Variants in MACF1 observed in about 807,000 individuals in gnomAD.
MACF1 encodes microtubule actin crosslinking factor 1.
A neutral mutation model predicts 854.8 loss-of-function variants in MACF1; 193 were observed. The ratio of observed to expected loss-of-function variants is 0.23; its 90% CI spans 0.20 to 0.25. MACF1 has a LOEUF of 0.25. Among genes scored for constraint, MACF1 ranks in the 10% least tolerant of loss-of-function variants. The probability of loss-of-function intolerance (pLI) is 1.00; values close to 1 mark genes in which losing one functional copy is unlikely to be tolerated. For synonymous variants in MACF1, 3,185 were observed against 3,226.7 expected, an observed-to-expected ratio of 0.99 and a Z score of 0.44; for missense variants, 7,722 against 8,929.1, an observed-to-expected ratio of 0.86 and a Z score of 5.45.
chr1:39,144,780 T>G (rs1319575485), intron 2 of MACF1, among the ~76,000 whole-genome samples: 1 of 152,160 alleles, frequency 6.6e-6, no homozygotes, highest in African/African-American at 2.4e-5. Flanking sequence ...TGTGAACCAC[T>G]GTGCCTCACC....
chr1:39,447,266 T>C (rs772490047), intron 80 of MACF1, among the ~76,000 whole-genome samples, 166 bp from the exon 81 acceptor site: 4 of 152,248 alleles, frequency 2.6e-5, no homozygotes, highest in Non-Finnish European at 4.4e-5. Context: ...AACATTAAAA[T>C]GTCCCCTTCT....
In MACF1 at chr1:39,439,307, T is replaced by A; in HGVS notation, c.18254T>A (p.Phe6085Tyr). The A allele has an allele frequency of 6.2e-7, 1 of 1,613,818 alleles. No individual in the cohort carries two copies. Among genetic ancestry groups the A allele is most frequent in the Non-Finnish European group, 8.5e-7 (1 of 1,179,748 alleles). ...IQDKLDQMVF[F>Y]WEDIKARAEE... Reference sequence around the variant, plus strand: ...GATAAATTGGATCAAATGGTATTCTTCTGGGAGGACATCAAAGCTCGGGCT... The same window carrying A: ...GATAAATTGGATCAAATGGTATTCTACTGGGAGGACATCAAAGCTCGGGCT... Residue 6085 changes from phenylalanine to tyrosine, a missense_variant, in exon 72 of 101, where the codon TTC becomes TAC. Coordinates refer to ENST00000564288, the MANE Select transcript of MACF1 (RefSeq NM_001394062.1).
At chr1:39,319,813 T>C in intron 31 of MACF1, 66 bp downstream of exon 31, 1 of 1,134,546 alleles carries the variant, frequency 8.8e-7, no homozygotes, top group Non-Finnish European at 1.3e-6. Context: ...ACATCTTCAC[T>C]GTAGGTTCTG....
chr1:39,102,983 A>C, intron 2 of MACF1: 1 of 700,838 alleles, frequency 1.4e-6, no homozygotes, highest in Non-Finnish European at 2.6e-6. Context: ...TCAGCCAAAC[A>C]TGTGGACTTC....
At chr1:39,368,458 T>TAAAAAAAGGCAC in intron 50 of MACF1, 144 bp downstream of exon 50, 1 of 722,468 alleles carries the variant, frequency 1.4e-6, no homozygotes, top group Non-Finnish European at 2.2e-6. Flanking sequence ...GAAAAGTGCC[T>TAAAAAAAGGCAC]TTTTTTAGGC....
Position 39,429,931 on chromosome 1 carries a change from C to T in MACF1, c.16993C>T (p.Arg5665Trp), listed in dbSNP as rs923900566. 7.4e-6 allele frequency: 12 copies of T among 1,613,966 alleles called. No individual in the cohort carries two copies. The highest frequency in any genetic ancestry group is 3.3e-5 in the South Asian group (3 of 91,084). Residue 5665 changes from arginine to tryptophan, a missense_variant, in exon 65 of 101, where the codon CGG becomes TGG. Arg to Trp is a moderately radical substitution (Grantham distance 101, BLOSUM62 -3). This residue lies in a region of MACF1 where 2,807 missense variants were observed against 3,235.8 expected (regional missense o/e 0.87). Transcript: ENST00000564288. Reference sequence around the variant, plus strand: ...GGCCCTCAGAACTTTAGAGCAAGCCCGGCAGCTGGCCACCAAGTTCCAGTC... The same window carrying T: ...GGCCCTCAGAACTTTAGAGCAAGCCTGGCAGCTGGCCACCAAGTTCCAGTC... ...SKALRTLEQARQLATKFQSTY... is the reference protein window; with the variant it reads ...SKALRTLEQAWQLATKFQSTY...
At chr1:39,438,754 G>T (rs1644035910) in intron 71 of MACF1, among the ~76,000 whole-genome samples, 5 of 151,484 alleles carry the variant, frequency 3.3e-5, no homozygotes, top group Admixed American at 3.3e-4. Context: ...CTCCAGCCTG[G>T]GTGACAGAGT....
Position 39,349,544 on chromosome 1 carries a change from G to A in MACF1, c.10882G>A (p.Ala3628Thr). 6.2e-7 allele frequency: 1 copy of A among 1,614,188 alleles called. No homozygotes were observed. Among genetic ancestry groups the A allele is most frequent in the African/African-American group, 1.3e-5 (1 of 75,058 alleles). Reference protein sequence around the residue: ...LEDLCSWVGQAERALAGHQGR... With the variant: ...LEDLCSWVGQTERALAGHQGR... ...GGATCTTTGCAGTTGGGTAGGACAG[G>A]CAGAAAGAGCACTGGCAGGCCACCA... The change falls in exon 42 of 101, where the codon GCA becomes ACA. Residue 3628 changes from alanine (A) to threonine (T), a missense_variant. Coordinates refer to ENST00000564288, the MANE Select transcript of MACF1 (RefSeq NM_001394062.1).
At position 39,335,992 on chromosome 1, in the gene MACF1, C is replaced by T; in HGVS notation, c.9404C>T (p.Ser3135Phe). 6 of 1,614,138 alleles carry T rather than the reference C, an allele frequency of 3.7e-6. No homozygotes were observed. Among genetic ancestry groups the T allele is most frequent in the Middle Eastern group, 1.6e-4 (1 of 6,062 alleles). Reference protein sequence around the residue: ...GPSQISKTDKSFQGTTRQETN... With the variant: ...GPSQISKTDKFFQGTTRQETN... ...TCCCAAATTTCCAAAACAGACAAGT[C>T]TTTCCAAGGAACCACCAGACAGGAG... Residue 3135 changes from serine (S) to phenylalanine (F), a missense_variant, in exon 37 of 101, where the codon TCT (serine) becomes TTT (phenylalanine). By Grantham distance (155) the Ser-to-Phe change is radical. Transcript: ENST00000564288.
intron 52 of MACF1, among the ~76,000 whole-genome samples, chr1:39,376,657 C>T (rs1341319829): frequency 6.6e-6 from 1 of 152,054 alleles, no homozygotes. Flanking sequence ...ATTTTTTAAT[C>T]GAAAATATAA....
intron 6 of MACF1, among the ~76,000 whole-genome samples, chr1:39,259,611 C>A (rs1645135921): frequency 6.6e-6 from 1 of 151,430 alleles, no homozygotes; most frequent in South Asian, 2.1e-4. Context: ...TTTTCTTTTT[C>A]TTTTTCTTTC....
intron 87 of MACF1, 75 bp from the exon 88 acceptor site, chr1:39,453,632 C>A: frequency 7.8e-7 from 1 of 1,273,982 alleles, no homozygotes; most frequent in Non-Finnish European, 1.1e-6. Flanking sequence ...TGAAATTTAT[C>A]CCCCCTCAGT....
At chr1:39,236,679 T>A (rs1163964597) in intron 2 of MACF1, among the ~76,000 whole-genome samples, 1 of 152,196 alleles carries the variant, frequency 6.6e-6, no homozygotes, top group Non-Finnish European at 1.5e-5. Context: ...TTTTTCTTTT[T>A]GGAGATGGAG....
Position 39,176,501 on chromosome 1 carries a change from A to G in MACF1, c.221-54681A>G, listed in dbSNP as rs192589641. On this transcript the variant is annotated intron_variant, in intron 2 of 93. Transcript: ENST00000361689. Reference sequence around the variant, plus strand: ...TCATAGCTTCCACTCTCCTCCTTTTAGGTCCTCTAACTTTTGATTCTTATA... The same window carrying G: ...TCATAGCTTCCACTCTCCTCCTTTTGGGTCCTCTAACTTTTGATTCTTATA... Among the ~76,000 whole-genome samples the G allele has an allele frequency of 2.4e-3, 365 of 152,262 alleles. 1 individual carries two copies. Among genetic ancestry groups the G allele is most frequent in the Non-Finnish European group, 3.7e-3 (253 of 68,018 alleles).
intron 44 of MACF1, among the ~76,000 whole-genome samples, chr1:39,354,991 T>G (rs1322176160): frequency 6.6e-6 from 1 of 152,212 alleles, no homozygotes; most frequent in East Asian, 1.9e-4. Context: ...CACATTCTAT[T>G]GAATGATTGA....
intron 84 of MACF1, among the ~76,000 whole-genome samples, chr1:39,449,697 ATTT>A (rs4012670): frequency 7.7e-6 from 1 of 129,772 alleles, no homozygotes; most frequent in African/African-American, 3.0e-5. Context: ...CGCGCCTGGC[ATTT>A]TTTTTTTTTT....
intron 58 of MACF1, chr1:39,410,643 C>T: frequency 6.2e-7 from 1 of 1,614,004 alleles, no homozygotes; most frequent in Non-Finnish European, 8.5e-7. Context: ...AACGCAAAGA[C>T]AATGTTAACA....
chr1:39,107,296 G>C (rs868054096), intron 2 of MACF1, among the ~76,000 whole-genome samples: 6 of 152,032 alleles, frequency 3.9e-5, no homozygotes, highest in African/African-American at 1.5e-4. Context: ...GGGGGCAGTA[G>C]GGCTTGTTCC....
chr1:39,309,456 C>G, intron 23 of MACF1, 114 bp from the exon 24 acceptor site: 1 of 1,259,320 alleles, frequency 7.9e-7, no homozygotes, highest in Non-Finnish European at 1.1e-6. Flanking sequence ...TTGCCTTTCT[C>G]TGCTCAACAT....
Sources: gnomAD v4.1 joint callset for allele counts (sites outside exome capture counted in the v4.1 genomes callset) on GRCh38, gnomAD v4.1.1 for gene constraint, gnomAD v4.1.1 regional missense constraint, MANE v1.5 for transcripts, NCBI Gene and HGNC (gene_info 2026-07-23, HGNC 2026-07-21) for gene names.